Variants in SUMF1 observed in about 807,000 individuals in gnomAD.
SUMF1 encodes the protein formylglycine-generating enzyme.
A neutral mutation model predicts 47.6 loss-of-function variants in SUMF1; 48 were observed. The observed-to-expected ratio is 1.01, with a 90% CI of 0.80 to 1.28. SUMF1 has a LOEUF of 1.28. Ranked by LOEUF, SUMF1 falls within the 50% of genes most tolerant of loss-of-function variation. The pLI is 0.00. For missense variants in SUMF1, 571 were observed against 485.4 expected (o/e 1.18, Z -1.66); for synonymous variants, 230 against 192.1 (o/e 1.20, Z -1.63).
At chr3:4,442,804 A>G (rs888601809) in intron 3 of SUMF1, among the ~76,000 whole-genome samples, 1 of 152,138 alleles carries the variant, frequency 6.6e-6, no homozygotes, top group Non-Finnish European at 1.5e-5. Context: ...GTCTCTTTCT[A>G]AAAGTTCAGA....
At chr3:4,337,112 T>C (rs1699168784) in intron 8 of SUMF1, among the ~76,000 whole-genome samples, 1 of 152,200 alleles carries the variant, frequency 6.6e-6, no homozygotes, top group Non-Finnish European at 1.5e-5. Context: ...ATGATTCTTG[T>C]TTACATAGCC....
At chr3:4,209,690 T>A (rs1050724300) in intron 8 of SUMF1, among the ~76,000 whole-genome samples, 3 of 152,098 alleles carry the variant, frequency 2.0e-5, no homozygotes, top group African/African-American at 7.2e-5. Flanking sequence ...TGAAAATTAC[T>A]GAACATCAAA....
intron 8 of SUMF1, among the ~76,000 whole-genome samples, chr3:4,273,761 G>A (rs1575043017): frequency 1.8e-5 from 1 of 55,444 alleles, no homozygotes; most frequent in East Asian, 5.6e-4. Context: ...GGATACGGGA[G>A]GGGAGGATAC....
At chr3:4,175,297 T>A (rs1694934238) in intron 8 of SUMF1, among the ~76,000 whole-genome samples, 1 of 152,066 alleles carries the variant, frequency 6.6e-6, no homozygotes, top group Non-Finnish European at 1.5e-5. Flanking sequence ...GACAGTCACC[T>A]CATACAGCCA....
intron 8 of SUMF1, among the ~76,000 whole-genome samples, chr3:4,073,935 C>T (rs562794635): frequency 2.0e-5 from 3 of 152,276 alleles, no homozygotes; most frequent in African/African-American, 7.2e-5. Flanking sequence ...ATCAAGGAGA[C>T]AGAAAATTAA....
chr3:4,282,918 G>A (rs1162000906), intron 8 of SUMF1, among the ~76,000 whole-genome samples: 1 of 152,128 alleles, frequency 6.6e-6, no homozygotes, highest in Non-Finnish European at 1.5e-5. Context: ...GGCTGTCAGA[G>A]CTATTTTTAT....
At chr3:4,192,651 G>A (rs1695344447) in intron 8 of SUMF1, among the ~76,000 whole-genome samples, 1 of 152,026 alleles carries the variant, frequency 6.6e-6, no homozygotes, top group Non-Finnish European at 1.5e-5. Context: ...TAGGTTCCTT[G>A]CATAATACAT....
At chr3:4,351,494 T>C (rs1240016658) in intron 8 of SUMF1, among the ~76,000 whole-genome samples, 1 of 152,236 alleles carries the variant, frequency 6.6e-6, no homozygotes, top group African/African-American at 2.4e-5. Context: ...CTTCACACAC[T>C]GATCTCAGTC....
chr3:4,349,605 C>A (rs1256609123), intron 8 of SUMF1, among the ~76,000 whole-genome samples: 1 of 152,142 alleles, frequency 6.6e-6, no homozygotes, highest in Non-Finnish European at 1.5e-5. Flanking sequence ...CAATGGTAGA[C>A]TGGATAAAGA....
chr3:4,409,979 A>G (rs1701491289), intron 7 of SUMF1, among the ~76,000 whole-genome samples: 1 of 152,186 alleles, frequency 6.6e-6, no homozygotes, highest in Non-Finnish European at 1.5e-5. Context: ...TTACCCTTTG[A>G]GCCTTTTCAA....
intron 9 of SUMF1, among the ~76,000 whole-genome samples, chr3:4,035,872 T>C (rs1694783824): frequency 4.5e-5 from 1 of 22,216 alleles, no homozygotes; most frequent in African/African-American, 1.2e-4. Context: ...TACTTGTGCT[T>C]TGTGAGATAT....
At chr3:4,128,763 T>C (rs1559493902) in intron 8 of SUMF1, among the ~76,000 whole-genome samples, 1 of 152,166 alleles carries the variant, frequency 6.6e-6, no homozygotes, top group South Asian at 2.1e-4. Context: ...AGAACGGGCA[T>C]GGGAATGGAT....
chr3:4,349,950 T>C (rs1210755145), intron 8 of SUMF1, among the ~76,000 whole-genome samples: 1 of 152,036 alleles, frequency 6.6e-6, no homozygotes, highest in East Asian at 1.9e-4. Context: ...CATCCGGTTT[T>C]TTTTTTTAGA....
chr3:4,350,851 C>T (rs1699485221), intron 8 of SUMF1, among the ~76,000 whole-genome samples: 1 of 152,098 alleles, frequency 6.6e-6, no homozygotes, highest in South Asian at 2.1e-4. Context: ...GCACCCCCTC[C>T]CTTTTTGCTC....
intron 7 of SUMF1, among the ~76,000 whole-genome samples, chr3:4,380,933 C>T (rs1235175092): frequency 6.6e-6 from 1 of 152,150 alleles, no homozygotes; most frequent in Non-Finnish European, 1.5e-5. Context: ...GTTGAATCCA[C>T]TGGAGATGCC....
At position 4,466,961 on chromosome 3, in the gene SUMF1, G is replaced by A. The variant is rs772046919; in HGVS notation, c.270+15C>T. ...CGAGCAGCCCCCACCCGCCTCGGAG[G>A]AATCGATGGAGCACCTTTGAGTGCG... On this transcript the variant is annotated intron_variant, in intron 1 of 8. Coordinates refer to ENST00000272902, the MANE Select transcript of SUMF1 (RefSeq NM_182760.4). The A allele has an allele frequency of 1.7e-5, 27 of 1,604,922 alleles. No homozygotes were observed. The South Asian group carries it at 2.7e-4, about 16-fold the overall frequency.
At chr3:4,350,442 T>G (rs547307332) in intron 8 of SUMF1, among the ~76,000 whole-genome samples, 119 of 152,156 alleles carry the variant, frequency 7.8e-4, no homozygotes, top group Middle Eastern at 3.4e-3. Context: ...TAAATGTTTG[T>G]AAATACGTTT....
intron 3 of SUMF1, among the ~76,000 whole-genome samples, chr3:4,437,569 A>G (rs1177026193): frequency 6.6e-6 from 1 of 152,224 alleles, no homozygotes; most frequent in African/African-American, 2.4e-5. Flanking sequence ...ACTGAAAGAC[A>G]AAGAATGCAT....
chr3:4,038,357 C>CT (rs1245164098), intron 9 of SUMF1, among the ~76,000 whole-genome samples: 1 of 152,088 alleles, frequency 6.6e-6, no homozygotes, highest in Non-Finnish European at 1.5e-5. Flanking sequence ...AAGGACTGGC[C>CT]TCCTCCCCAT....
Sources: allele counts gnomAD v4.1 joint callset (sites outside exome capture counted in the v4.1 genomes callset), GRCh38; gene constraint gnomAD v4.1.1; transcripts MANE v1.5; gene names NCBI Gene and HGNC (gene_info 2026-07-23, HGNC 2026-07-21).